Variants in TBC1D5 observed in about 807,000 individuals in gnomAD.
TBC1D5 encodes TBC1 domain family member 5, also known as TBC1 domain family, member 5.
A neutral mutation model predicts 100.3 loss-of-function variants in TBC1D5; 75 were observed. The ratio of observed to expected loss-of-function variants is 0.75; its 90% CI spans 0.62 to 0.91. The LOEUF is 0.91. Among genes scored for constraint, TBC1D5 ranks in the 40% least tolerant of loss-of-function variants. TBC1D5 has a pLI of 0.00. For missense variants in TBC1D5, 910 were observed against 942.4 expected (o/e 0.97, Z 0.45); for synonymous variants, 323 against 325.6 (o/e 0.99, Z 0.09).
At chr3:17,547,440 A>G (rs1179066776) in intron 2 of TBC1D5, among the ~76,000 whole-genome samples, 1 of 152,204 alleles carries the variant, frequency 6.6e-6, no homozygotes, top group African/African-American at 2.4e-5. Flanking sequence ...AAATTAAAGC[A>G]TCTCAGAGAA....
chr3:17,600,296 T>C (rs1031754687), intron 2 of TBC1D5, among the ~76,000 whole-genome samples: 5 of 152,206 alleles, frequency 3.3e-5, no homozygotes, highest in African/African-American at 1.2e-4. Context: ...CAGGTTTGCA[T>C]TTTGATTACT....
intron 2 of TBC1D5, among the ~76,000 whole-genome samples, chr3:17,603,808 C>A: frequency 6.6e-6 from 1 of 152,006 alleles, no homozygotes; most frequent in Non-Finnish European, 1.5e-5. Context: ...CCACGCCTAG[C>A]TAATTTTTGT....
intron 3 of TBC1D5, among the ~76,000 whole-genome samples, chr3:17,428,995 T>C (rs978002309): frequency 3.3e-5 from 5 of 151,838 alleles, no homozygotes; most frequent in East Asian, 1.9e-4. Context: ...ACTTGAGAGG[T>C]AGTGATTAAT....
At chr3:17,411,725 TA>T (rs1407864381) in intron 4 of TBC1D5, among the ~76,000 whole-genome samples, 3 of 152,164 alleles carry the variant, frequency 2.0e-5, no homozygotes, top group Admixed American at 2.0e-4. Context: ...AGTTACATAC[TA>T]CTTATGTAAT....
intron 1 of TBC1D5, among the ~76,000 whole-genome samples, chr3:17,665,759 A>G (rs1293802685): frequency 6.6e-6 from 1 of 152,168 alleles, no homozygotes; most frequent in Non-Finnish European, 1.5e-5. Context: ...TGCTGGCCCA[A>G]TCACCTAAAC....
chr3:17,404,108 T>C (rs1435467959), intron 7 of TBC1D5, among the ~76,000 whole-genome samples: 1 of 152,112 alleles, frequency 6.6e-6, no homozygotes, highest in African/African-American at 2.4e-5. Flanking sequence ...TACTTACGTA[T>C]TGGGAAAGAG....
intron 2 of TBC1D5, among the ~76,000 whole-genome samples, chr3:17,620,587 A>G (rs1047695810): frequency 3.3e-5 from 5 of 152,204 alleles, no homozygotes; most frequent in African/African-American, 1.2e-4. Context: ...AAAACAAGAA[A>G]AATAAGACAA....
At chr3:17,238,076 T>C in intron 17 of TBC1D5, 87 bp downstream of exon 17, 1 of 1,505,840 alleles carries the variant, frequency 6.6e-7, no homozygotes, top group Non-Finnish European at 8.9e-7. Flanking sequence ...ATTTCTATTC[T>C]AGGAGATTGG....
intron 16 of TBC1D5, among the ~76,000 whole-genome samples, chr3:17,256,269 TC>T (rs1211675976): frequency 6.6e-5 from 10 of 152,024 alleles, no homozygotes; most frequent in African/African-American, 1.9e-4. Flanking sequence ...GTCTTCTGCT[TC>T]AATTACTACA....
chr3:17,731,483 C>T (rs970961666), intron 1 of TBC1D5, among the ~76,000 whole-genome samples: 3 of 126,864 alleles, frequency 2.4e-5, no homozygotes, highest in South Asian at 2.4e-4. Context: ...TCCAGCCCGG[C>T]GACAAAGCAA....
At chr3:17,694,200 T>C (rs2071629567) in intron 1 of TBC1D5, among the ~76,000 whole-genome samples, 2 of 152,148 alleles carry the variant, frequency 1.3e-5, no homozygotes, top group Non-Finnish European at 1.5e-5. Flanking sequence ...TCCAAAACAT[T>C]GCAGCTCCTT....
At position 17,371,326 on chromosome 3, in the gene TBC1D5, T is replaced by C. The variant is rs185443220; in HGVS notation, c.995+749A>G. On this transcript the variant is annotated intron_variant, in intron 13 of 21. Coordinates refer to ENST00000253692, the Ensembl canonical transcript of TBC1D5. The stretch of plus-strand genomic sequence containing the variant: ...TAGGATTTGGGGCTGGCTCCATGCA[T>C]GTACGACTCATACAACTTCTTGGAA... Among the ~76,000 whole-genome samples the C allele has an allele frequency of 1.5e-3, 231 of 152,354 alleles. 2 individuals carry two copies. Among genetic ancestry groups the C allele is most frequent in the Admixed American group, 0.014 (210 of 15,290 alleles).
chr3:17,473,321 T>A (rs1336176707), intron 3 of TBC1D5, among the ~76,000 whole-genome samples: 1 of 152,184 alleles, frequency 6.6e-6, no homozygotes, highest in East Asian at 1.9e-4. Flanking sequence ...AATAATTATC[T>A]TGAGCAATTT....
chr3:17,437,124 G>C lies in TBC1D5; in HGVS notation c.98-8605C>G, dbSNP rs554692337. The stretch of plus-strand genomic sequence containing the variant: ...CAATCTCTTGCTGTCTCTCACATGT[G>C]CTCTCTTGCCCTCTTGCCCTTCTGC... On this transcript the variant is annotated intron_variant, in intron 3 of 21. Coordinates refer to ENST00000253692, the Ensembl canonical transcript of TBC1D5. 2.1e-4 allele frequency among the ~76,000 whole-genome samples: 32 copies of C among 152,276 alleles called. No individual in the cohort carries two copies. In the South Asian group the frequency reaches 6.4e-3, roughly 31 times the overall value.
chr3:17,649,702 A>C (rs2065352634), intron 1 of TBC1D5, among the ~76,000 whole-genome samples: 1 of 152,176 alleles, frequency 6.6e-6, no homozygotes, highest in Non-Finnish European at 1.5e-5. Context: ...GTGGGAGTGT[A>C]AATTAGTTCA....
At chr3:17,586,187 G>A (rs200748318) in intron 2 of TBC1D5, among the ~76,000 whole-genome samples, 1 of 152,162 alleles carries the variant, frequency 6.6e-6, no homozygotes, top group African/African-American at 2.4e-5. Flanking sequence ...AACTGTGTTG[G>A]TTGGCCAACA....
chr3:17,390,351 A>G (rs2093315705), intron 8 of TBC1D5, among the ~76,000 whole-genome samples: 1 of 152,160 alleles, frequency 6.6e-6, no homozygotes, highest in South Asian at 2.1e-4. Flanking sequence ...TCTGTAATGC[A>G]GGCAACAAAG....
At chr3:17,380,047 G>GTGTA (rs1416727597) in intron 9 of TBC1D5, among the ~76,000 whole-genome samples, 47 of 100,608 alleles carry the variant, frequency 4.7e-4, no homozygotes, top group Non-Finnish European at 6.7e-4. Flanking sequence ...GACTGTGTAT[G>GTGTA]TGTGTGTGTG....
intron 13 of TBC1D5, among the ~76,000 whole-genome samples, chr3:17,348,899 G>A (rs2090229050): frequency 6.6e-6 from 1 of 152,120 alleles, no homozygotes; most frequent in Admixed American, 6.6e-5. Context: ...ATTCTAGACT[G>A]AGATATTTGG....
Sources: gnomAD v4.1 joint callset for allele counts (sites outside exome capture counted in the v4.1 genomes callset) on GRCh38, gnomAD v4.1.1 for gene constraint, MANE v1.5 for transcripts, NCBI Gene and HGNC (gene_info 2026-07-23, HGNC 2026-07-21) for gene names.